The following NCAPH variants were observed in gnomAD, a reference collection of about 807,000 sequenced individuals.
NCAPH encodes non-SMC condensin I complex subunit H.
Under a neutral mutation model 85.5 loss-of-function variants are expected in NCAPH, and 38 were observed. That is an observed-to-expected ratio of 0.44 (90% CI 0.34 to 0.58). The LOEUF (loss-of-function observed/expected upper bound fraction) is 0.58. Ranked by LOEUF, NCAPH falls within the 20% of genes least tolerant of loss-of-function variation. NCAPH has a pLI of 0.01. For missense variants in NCAPH, 789 were observed against 916.6 expected (o/e 0.86, Z 1.80); for synonymous variants, 301 against 335.1 (o/e 0.90, Z 1.11).
Position 96,373,364 on chromosome 2 carries a change from G to C in NCAPH, c.*13G>C. ...GCAAGGAGATTGAGTTCACTATGGA[G>C]AAGTCAGCAGCAGGAGGCCCATCCC... On this transcript the variant is annotated 3_prime_UTR_variant, in exon 18 of 18. Transcript: ENST00000240423. 6.2e-7 allele frequency: 1 copy of C among 1,612,240 alleles called. No individual in the cohort carries two copies. Among genetic ancestry groups the C allele is most frequent in the Non-Finnish European group, 8.5e-7 (1 of 1,178,584 alleles).
intron 1 of NCAPH, among the ~76,000 whole-genome samples, chr2:96,336,292 T>A (rs1254098145): frequency 1.3e-5 from 2 of 152,220 alleles, no homozygotes; most frequent in African/African-American, 4.8e-5. Context: ...TACTGAGCTC[T>A]CCCGTTGGGC....
At chr2:96,353,683 G>T (rs1349257842) in intron 8 of NCAPH, among the ~76,000 whole-genome samples, 1 of 152,090 alleles carries the variant, frequency 6.6e-6, no homozygotes, top group Non-Finnish European at 1.5e-5. Context: ...TTTATAATTA[G>T]ATTTACTCTT....
At position 96,343,275 on chromosome 2, in the gene NCAPH, C is replaced by T. The variant is rs1438026638; in HGVS notation, c.566C>T (p.Ser189Phe). 6.2e-7 allele frequency: 1 copy of T among 1,613,110 alleles called. No individual in the cohort carries two copies. ...VLGGLGKDAP[S>F]LEEVEGHVAD... The stretch of plus-strand genomic sequence containing the variant: ...GGGGGGCTGGGCAAAGATGCACCGT[C>T]TTTGGAAGAAGTAGAAGGCCATGTT... The change falls in exon 5 of 18, where the codon TCT becomes TTT. Residue 189 changes from serine to phenylalanine, a missense_variant. Coordinates refer to ENST00000240423, the MANE Select transcript of NCAPH (RefSeq NM_015341.5).
rs746837163 is a variant in NCAPH at position 96,341,627 on chromosome 2, A to G, written c.20-15A>G. ...TGTTCTCTTGAAGGTTTCTTGAGCA[A>G]GAATTTTGTTCCAGCACTGCCAGCC... On this transcript the variant is annotated splice_polypyrimidine_tract_variant and intron_variant, in intron 1 of 17. Coordinates refer to ENST00000240423, the MANE Select transcript of NCAPH (RefSeq NM_015341.5). 4.4e-6 allele frequency: 7 copies of G among 1,605,276 alleles called. No homozygotes were observed. The East Asian group carries it at 1.6e-4, about 36-fold the overall frequency.
At chr2:96,352,218 C>T (rs1374501464) in intron 7 of NCAPH, among the ~76,000 whole-genome samples, 198 bp downstream of exon 7, 1 of 152,170 alleles carries the variant, frequency 6.6e-6, no homozygotes, top group Admixed American at 6.5e-5. Flanking sequence ...GGCGTGGAGT[C>T]TAAAACGGTA....
At chr2:96,355,549 A>C (rs756480869) in intron 9 of NCAPH, among the ~76,000 whole-genome samples, 1 of 152,074 alleles carries the variant, frequency 6.6e-6, no homozygotes, top group Non-Finnish European at 1.5e-5. Context: ...CTGCCCATCC[A>C]GGCTCAGTAG....
chr2:96,368,913 T>G (rs1573097889), intron 15 of NCAPH, 59 bp from the exon 16 acceptor site: 1 of 1,459,608 alleles, frequency 6.9e-7, no homozygotes, highest in Non-Finnish European at 9.3e-7. Flanking sequence ...TTTATTTTTG[T>G]TGCCCTTTCA....
intron 6 of NCAPH, among the ~76,000 whole-genome samples, chr2:96,348,485 C>G (rs2064391536): frequency 6.6e-6 from 1 of 151,938 alleles, no homozygotes; most frequent in African/African-American, 2.4e-5. Context: ...AGTCACCGCA[C>G]CTGGCCTATG....
chr2:96,341,604 T>C (rs748266869), intron 1 of NCAPH, 38 bp from the exon 2 acceptor site: 3 of 1,593,074 alleles, frequency 1.9e-6, no homozygotes, highest in African/African-American at 2.7e-5. Context: ...ATAGGAAATG[T>C]TCTCTTGAAG....
chr2:96,356,470 C>A (rs1363443846), intron 9 of NCAPH, among the ~76,000 whole-genome samples: 1 of 152,234 alleles, frequency 6.6e-6, no homozygotes, highest in East Asian at 1.9e-4. Context: ...GCGCCAGGTG[C>A]CTTATGTGTG....
Position 96,376,099 on chromosome 2 carries a change from G to A in NCAPH, c.*2748G>A, listed in dbSNP as rs1421675770. Among the ~76,000 whole-genome samples the A allele has an allele frequency of 6.6e-6, 1 of 152,160 alleles. No homozygotes were observed. Among genetic ancestry groups the A allele is most frequent in the Non-Finnish European group, 1.5e-5 (1 of 68,030 alleles). The stretch of plus-strand genomic sequence containing the variant: ...GTAATGTGTCCAGCTAAAAATTTGG[G>A]TTCTGTTAAGGTTAAAAGAAAATTT... On this transcript the variant is annotated 3_prime_UTR_variant, in exon 18 of 18. Coordinates refer to ENST00000240423, the MANE Select transcript of NCAPH (RefSeq NM_015341.5).
At chr2:96,351,393 G>A (rs1039596777) in intron 6 of NCAPH, among the ~76,000 whole-genome samples, 31 of 152,246 alleles carry the variant, frequency 2.0e-4, no homozygotes, top group African/African-American at 6.7e-4. Flanking sequence ...CTTTTGTTGG[G>A]TGCGGTGGTT....
chr2:96,362,099 G>A (rs1032052037), intron 12 of NCAPH, among the ~76,000 whole-genome samples: 4 of 151,520 alleles, frequency 2.6e-5, no homozygotes, highest in African/African-American at 7.3e-5. Flanking sequence ...GATCAATATT[G>A]TTTACTTCAA....
chr2:96,350,745 G>T (rs1216268000), intron 6 of NCAPH, among the ~76,000 whole-genome samples: 1 of 152,140 alleles, frequency 6.6e-6, no homozygotes, highest in Non-Finnish European at 1.5e-5. Flanking sequence ...CCGAGCTAAG[G>T]GGACCAGGGA....
intron 12 of NCAPH, among the ~76,000 whole-genome samples, chr2:96,361,769 C>T (rs56890651): frequency 0.3 from 33,861 of 114,490 alleles, 5,200 homozygotes; most frequent in South Asian, 0.66. Flanking sequence ...TATATATATA[C>T]ATATATATAT....
chr2:96,360,746 G>C, intron 12 of NCAPH, 36 bp downstream of exon 12: 1 of 1,612,264 alleles, frequency 6.2e-7, no homozygotes, highest in East Asian at 2.2e-5. Flanking sequence ...AGCACACAAG[G>C]TATCAAGTGG....
chr2:96,360,538 T>G (rs1461625727), intron 11 of NCAPH, 50 bp from the exon 12 acceptor site: 1 of 1,604,092 alleles, frequency 6.2e-7, no homozygotes, highest in East Asian at 2.2e-5. Context: ...AGTAAGATGT[T>G]TTGCCCACTG....
At chr2:96,335,968 GCCCTGCGGCTGACAGCAGAGGCCGGT>G in intron 1 of NCAPH, 120 bp downstream of exon 1, 1 of 1,059,422 alleles carries the variant, frequency 9.4e-7, no homozygotes, top group Non-Finnish European at 1.2e-6. Flanking sequence ...TCGGGTCTTG[GCCCTGCGGCTGACAGCAGAGGCCGGT>G]GCGGGGGGAG....
chr2:96,360,752 A>G (rs750283732), intron 12 of NCAPH, 42 bp downstream of exon 12: 4 of 1,611,296 alleles, frequency 2.5e-6, no homozygotes, highest in African/African-American at 2.7e-5. Flanking sequence ...CAAGGTATCA[A>G]GTGGCTGATA....
Sources: allele counts gnomAD v4.1 joint callset (sites outside exome capture counted in the v4.1 genomes callset), GRCh38; gene constraint gnomAD v4.1.1; transcripts MANE v1.5; gene names NCBI Gene and HGNC (gene_info 2026-07-23, HGNC 2026-07-21).